Variants in PTPRT observed in about 807,000 individuals in gnomAD.
PTPRT encodes receptor-type tyrosine-protein phosphatase T.
A neutral mutation model predicts 176.8 loss-of-function variants in PTPRT; 56 were observed. The observed-to-expected ratio is 0.32, with a 90% CI of 0.26 to 0.40. The LOEUF (loss-of-function observed/expected upper bound fraction) is 0.40. PTPRT is among the 10% of genes least tolerant of loss of function. The pLI is 1.00. For synonymous variants in PTPRT, 783 were observed against 739.0 expected, an observed-to-expected ratio of 1.06 and a Z score of -0.96; for missense variants, 1,540 against 1,908.2, an observed-to-expected ratio of 0.81 and a Z score of 3.60.
intron 6 of PTPRT, among the ~76,000 whole-genome samples, chr20:42,754,010 G>A (rs73907260): frequency 0.01 from 1,598 of 152,194 alleles, 27 homozygotes; most frequent in African/African-American, 0.036. Context: ...CATGAGGAGC[G>A]GGAATGAACA....
At chr20:42,540,333 T>C (rs1477472448) in intron 7 of PTPRT, among the ~76,000 whole-genome samples, 1 of 152,134 alleles carries the variant, frequency 6.6e-6, no homozygotes, top group African/African-American at 2.4e-5. Flanking sequence ...CATGCTGACC[T>C]GCTGTGAACA....
rs189034373 is a variant in PTPRT at position 42,680,919 on chromosome 20, C to T, written c.860-2760G>A. Among the ~76,000 whole-genome samples the T allele has an allele frequency of 1.2e-4, 18 of 152,322 alleles. No homozygotes were observed. The East Asian group carries it at 1.4e-3, about 11-fold the overall frequency. ...CACATTTGTGTGCAGATTAGCCTCA[C>T]GGTTATCTCTCTCTCCATCCCCTCA... On this transcript the variant is annotated intron_variant, in intron 6 of 30. Coordinates refer to ENST00000373187, the MANE Select transcript of PTPRT (RefSeq NM_007050.6).
intron 13 of PTPRT, among the ~76,000 whole-genome samples, chr20:42,271,432 C>A (rs1204901214): frequency 6.6e-6 from 1 of 152,154 alleles, no homozygotes; most frequent in Non-Finnish European, 1.5e-5. Flanking sequence ...CTTCCCATAA[C>A]ACCCTCATCT....
intron 7 of PTPRT, chr20:42,606,991 A>G (rs1387366448): frequency 6.6e-6 from 1 of 152,238 alleles, no homozygotes; most frequent in Non-Finnish European, 1.5e-5. Flanking sequence ...TGTGGCACAT[A>G]CATAGAATAA....
intron 2 of PTPRT, among the ~76,000 whole-genome samples, chr20:42,819,907 C>T (rs2077860917): frequency 6.6e-6 from 1 of 152,142 alleles, no homozygotes; most frequent in Admixed American, 6.5e-5. Context: ...CAGGAGCACC[C>T]AGATTCATAA....
intron 1 of PTPRT, among the ~76,000 whole-genome samples, chr20:43,188,909 C>G (rs1454454414): frequency 6.6e-6 from 1 of 152,092 alleles, no homozygotes; most frequent in East Asian, 1.9e-4. Context: ...GGAACTACCT[C>G]TGCTCACCGC....
At chr20:42,217,323 C>T (rs565668030) in intron 15 of PTPRT, among the ~76,000 whole-genome samples, 2 of 148,586 alleles carry the variant, frequency 1.3e-5, no homozygotes, top group South Asian at 2.1e-4. Flanking sequence ...TGGAGTGAGC[C>T]GAGATCACAC....
At chr20:42,615,026 G>A (rs2074045330) in intron 7 of PTPRT, among the ~76,000 whole-genome samples, 2 of 141,202 alleles carry the variant, frequency 1.4e-5, no homozygotes, top group Non-Finnish European at 3.0e-5. Context: ...ATGCTGGTGT[G>A]CTGCACCCAC....
chr20:42,626,613 C>T (rs1316106615), intron 7 of PTPRT, among the ~76,000 whole-genome samples: 1 of 152,194 alleles, frequency 6.6e-6, no homozygotes, highest in Admixed American at 6.5e-5. Flanking sequence ...CCCAGCTAGG[C>T]CTCTTTAGTT....
chr20:42,327,921 A>G (rs1023419192), intron 11 of PTPRT, among the ~76,000 whole-genome samples: 1 of 152,106 alleles, frequency 6.6e-6, no homozygotes, highest in Admixed American at 6.6e-5. Flanking sequence ...AAATCATATC[A>G]GGTACAGCGG....
chr20:42,363,294 A>ATT (rs1568812729), intron 9 of PTPRT, among the ~76,000 whole-genome samples: 11 of 24,952 alleles, frequency 4.4e-4, no homozygotes, highest in African/African-American at 1.6e-3. Context: ...ATATATATAT[A>ATT]TATATATTTT....
intron 1 of PTPRT, among the ~76,000 whole-genome samples, chr20:43,117,879 A>G (rs2013116964): frequency 6.6e-6 from 1 of 152,206 alleles, no homozygotes; most frequent in Non-Finnish European, 1.5e-5. Context: ...TGTGTCAATC[A>G]AAGTGTAAGG....
intron 27 of PTPRT, among the ~76,000 whole-genome samples, chr20:42,091,379 C>G (rs887948072): frequency 6.6e-6 from 1 of 152,092 alleles, no homozygotes; most frequent in East Asian, 1.9e-4. Context: ...AAACATGCTC[C>G]GATGAGTTGA....
At chr20:42,685,757 T>A (rs1462167243) in intron 6 of PTPRT, 2 of 152,196 alleles carry the variant, frequency 1.3e-5, no homozygotes, top group African/African-American at 2.4e-5. Context: ...TTATTCTGTT[T>A]CTTATTTGAT....
intron 12 of PTPRT, among the ~76,000 whole-genome samples, chr20:42,313,807 G>T (rs181586703): frequency 6.6e-6 from 1 of 152,314 alleles, no homozygotes; most frequent in East Asian, 1.9e-4. Context: ...AGATGGACAG[G>T]TGGAAGGCAG....
intron 2 of PTPRT, among the ~76,000 whole-genome samples, chr20:42,850,992 G>A (rs1286361779): frequency 6.6e-6 from 1 of 152,154 alleles, no homozygotes; most frequent in Non-Finnish European, 1.5e-5. Flanking sequence ...TAGCTGGCTC[G>A]TTGCTAAGTC....
chr20:42,379,651 CG>C (rs538333256), intron 9 of PTPRT, among the ~76,000 whole-genome samples: 41 of 152,340 alleles, frequency 2.7e-4, no homozygotes, highest in African/African-American at 9.4e-4. Flanking sequence ...TGGCCCTGGC[CG>C]GGTGATTGGG....
chr20:42,768,176 A>G (rs775821153), intron 5 of PTPRT, among the ~76,000 whole-genome samples: 23 of 152,136 alleles, frequency 1.5e-4, no homozygotes, highest in Non-Finnish European at 2.8e-4. Context: ...GATGAGACAG[A>G]CAATATTTAG....
intron 7 of PTPRT, among the ~76,000 whole-genome samples, chr20:42,557,725 T>C (rs1004825364): frequency 6.6e-6 from 1 of 152,066 alleles, no homozygotes; most frequent in African/African-American, 2.4e-5. Flanking sequence ...AAAATAGACA[T>C]ACGAAGAAAA....
Sources: allele counts gnomAD v4.1 joint callset (sites outside exome capture counted in the v4.1 genomes callset), GRCh38; gene constraint gnomAD v4.1.1; transcripts MANE v1.5; gene names NCBI Gene and HGNC (gene_info 2026-07-23, HGNC 2026-07-21).